The following CSMD2 variants were observed in gnomAD, a reference collection of about 807,000 sequenced individuals.
The protein encoded by CSMD2 is CUB and sushi domain-containing protein 2.
In CSMD2, 130 loss-of-function variants were observed where a neutral mutation model predicts 398.5. The observed-to-expected ratio is 0.33, with a 90% confidence interval of 0.28 to 0.38. CSMD2 has a LOEUF of 0.38. Ranked by LOEUF, CSMD2 falls within the 10% of genes least tolerant of loss-of-function variation. CSMD2 has a pLI of 1.00. For missense variants in CSMD2, 3,829 were observed against 4,764.9 expected (o/e 0.80, Z 5.78); for synonymous variants, 1,828 against 1,908.5 (o/e 0.96, Z 1.10).
chr1:33,705,678 C>T (rs1457810079), intron 22 of CSMD2, among the ~76,000 whole-genome samples: 4 of 149,964 alleles, frequency 2.7e-5, no homozygotes, highest in African/African-American at 9.8e-5. Flanking sequence ...TACTTTTTAT[C>T]TATAAAAATT....
At chr1:33,685,905 C>T (rs553538139) in intron 25 of CSMD2, among the ~76,000 whole-genome samples, 1 of 152,350 alleles carries the variant, frequency 6.6e-6, no homozygotes, top group Admixed American at 6.5e-5. Flanking sequence ...TGCACAGCAT[C>T]ACACAGTCTC....
intron 2 of CSMD2, among the ~76,000 whole-genome samples, chr1:34,076,928 A>AAAAAAAAAAAAAAAAAAT (rs1232288848): frequency 3.7e-5 from 2 of 53,598 alleles, no homozygotes; most frequent in African/African-American, 8.6e-5. Context: ...AAAAAAAAAA[A>AAAAAAAAAAAAAAAAAAT]ATATATATAT....
chr1:34,036,717 T>C (rs1018221434), intron 2 of CSMD2, among the ~76,000 whole-genome samples: 3 of 152,160 alleles, frequency 2.0e-5, no homozygotes, highest in African/African-American at 7.2e-5. Context: ...GATGTAACTA[T>C]TGGAGGAAAC....
At chr1:33,869,383 G>A (rs1235998442) in intron 5 of CSMD2, 1 of 152,224 alleles carries the variant, frequency 6.6e-6, no homozygotes, top group Non-Finnish European at 1.5e-5. Flanking sequence ...TGTGGGAACT[G>A]TGAATCCTAT....
In CSMD2 at chr1:33,819,710, C is replaced by T; in HGVS notation, c.1324+3G>A. The T allele has an allele frequency of 6.2e-7, 1 of 1,612,792 alleles. No individual in the cohort carries two copies. Among genetic ancestry groups the T allele is most frequent in the Non-Finnish European group, 8.5e-7 (1 of 1,179,766 alleles). ...CAGCCTCCCTTCCCCAGGGCACCCT[C>T]ACCTCGGCAGACTGGCCTGTGGTCG... On this transcript the variant is annotated splice_donor_region_variant and intron_variant, in intron 9 of 70. Coordinates refer to ENST00000373381, the MANE Select transcript of CSMD2 (RefSeq NM_001281956.2).
intron 6 of CSMD2, among the ~76,000 whole-genome samples, chr1:33,830,120 C>T (rs1659340928): frequency 6.6e-6 from 1 of 152,250 alleles, no homozygotes; most frequent in African/African-American, 2.4e-5. Context: ...CCTCTGCAGA[C>T]TTAAATGCCC....
At position 33,646,647 on chromosome 1, in the gene CSMD2, C is replaced by G; in HGVS notation, c.4774+1G>C. The stretch of plus-strand genomic sequence containing the variant: ...GTACTCTCTGGCACCAGGGCCCTTA[C>G]CTGTATAGTCAATGACGAAGCCAGC... On this transcript the variant is annotated splice_donor_variant, in intron 29 of 70. Transcript: ENST00000373381. LOFTEE classifies it high-confidence loss of function. The G allele has an allele frequency of 6.2e-7, 1 of 1,613,292 alleles. No homozygotes were observed. The highest frequency in any genetic ancestry group is 8.5e-7 in the Non-Finnish European group (1 of 1,179,940).
intron 2 of CSMD2, among the ~76,000 whole-genome samples, chr1:34,076,900 A>C (rs1571020808): frequency 9.0e-6 from 1 of 111,696 alleles, no homozygotes; most frequent in Non-Finnish European, 1.8e-5. Flanking sequence ...TGGCTCTGTT[A>C]CAGCAAAGCA....
intron 3 of CSMD2, among the ~76,000 whole-genome samples, chr1:33,979,937 T>G (rs954275342): frequency 1.3e-5 from 2 of 152,178 alleles, no homozygotes; most frequent in East Asian, 1.9e-4. Flanking sequence ...TTGTTATTTT[T>G]GGGGGTTTTA....
chr1:34,164,974 G>C lies in CSMD2; in HGVS notation c.124C>G (p.Pro42Ala). The change falls in exon 1 of 71, where the codon CCA becomes GCA. Residue 42 changes from proline to alanine, a missense_variant. Transcript: ENST00000373381. The surrounding 1 kb of genome is among the most constrained non-coding windows in gnomAD (Gnocchi z 6.2). ...AACAGCAGCAGAGGCGGCGGCGTTG[G>C]CGGCGGCGGGCGGCCCCAGCGGCTC... ...AGSRWGRPPP[P>A]TPPPLLLLLG... 1 of 1,211,660 alleles carries C rather than the reference G, an allele frequency of 8.3e-7. No individual in the cohort carries two copies. The highest frequency in any genetic ancestry group is 1.0e-6 in the Non-Finnish European group (1 of 975,286). The allele number at this position is 1,211,660 out of a possible 1,614,324, so 75.1% of individuals were successfully genotyped here.
At chr1:33,646,583 A>G (rs1447458594) in intron 29 of CSMD2, 65 bp downstream of exon 29, 2 of 1,554,644 alleles carry the variant, frequency 1.3e-6, no homozygotes, top group Admixed American at 3.4e-5. Flanking sequence ...ACTACGCTAC[A>G]CTACTTGCCC....
At chr1:33,634,634 G>A (rs1040633853) in intron 31 of CSMD2, among the ~76,000 whole-genome samples, 1 of 152,164 alleles carries the variant, frequency 6.6e-6, no homozygotes, top group African/African-American at 2.4e-5. Context: ...CAGGTAATGA[G>A]CCTGGGTTGG....
At chr1:33,739,476 G>A (rs1180537544) in intron 14 of CSMD2, 142 bp from the exon 15 acceptor site, 2 of 752,060 alleles carry the variant, frequency 2.7e-6, no homozygotes, top group African/African-American at 1.8e-5. Context: ...GGAGAGCTAG[G>A]CATTCTAGGA....
At chr1:33,900,503 G>A (rs544648125) in intron 5 of CSMD2, among the ~76,000 whole-genome samples, 9 of 152,298 alleles carry the variant, frequency 5.9e-5, no homozygotes, top group African/African-American at 2.2e-4. Flanking sequence ...GTGGCTGGGC[G>A]CAATGGCTCA....
intron 3 of CSMD2, among the ~76,000 whole-genome samples, chr1:33,975,017 C>G (rs1444929069): frequency 1.3e-5 from 2 of 152,242 alleles, no homozygotes; most frequent in African/African-American, 2.4e-5. Context: ...CCTCACAACA[C>G]TCTGAAGCCA....
chr1:33,630,682 C>T (rs1642416693), intron 32 of CSMD2, among the ~76,000 whole-genome samples: 1 of 151,972 alleles, frequency 6.6e-6, no homozygotes, highest in Non-Finnish European at 1.5e-5. Context: ...AATTAATCCC[C>T]AAAGAAGAAA....
intron 1 of CSMD2, among the ~76,000 whole-genome samples, chr1:34,149,508 C>T (rs1037524210): frequency 3.3e-5 from 5 of 152,150 alleles, no homozygotes; most frequent in African/African-American, 9.7e-5. Context: ...GGAATTAGTA[C>T]ACGGAAGAAG....
chr1:33,990,800 A>G (rs770676), intron 3 of CSMD2, among the ~76,000 whole-genome samples: 84,325 of 151,954 alleles, frequency 0.55, 24,100 homozygotes, highest in African/African-American at 0.68. Context: ...TCACCCAGTT[A>G]CCTCCTACCC....
At chr1:33,863,642 C>G (rs1225070665) in intron 5 of CSMD2, 1 of 153,228 alleles carries the variant, frequency 6.5e-6, no homozygotes, top group Non-Finnish European at 1.5e-5. Flanking sequence ...TCAAGGCAAA[C>G]AGAAACACTT....
Sources: allele counts gnomAD v4.1 joint callset (sites outside exome capture counted in the v4.1 genomes callset), GRCh38; gene constraint gnomAD v4.1.1; non-coding constraint Gnocchi (gnomAD v3.1); transcripts MANE v1.5; gene names NCBI Gene and HGNC (gene_info 2026-07-23, HGNC 2026-07-21).